Variants in ACAT2 observed in about 807,000 individuals in gnomAD.
ACAT2 encodes the protein acetyl-CoA acetyltransferase, cytosolic.
ACAT2 carries 26 observed loss-of-function variants against 37.1 expected under a neutral mutation model. That is an observed-to-expected ratio of 0.70 (90% CI 0.51 to 0.97). The LOEUF is 0.97. ACAT2 is among the 50% of genes least tolerant of loss of function. The pLI, the probability that ACAT2 is intolerant of heterozygous loss-of-function variation, is 0.00. For missense variants in ACAT2, 468 were observed against 489.0 expected, an observed-to-expected ratio of 0.96 and a Z score of 0.40; for synonymous variants, 156 against 163.6, an observed-to-expected ratio of 0.95 and a Z score of 0.35.
chr6:159,775,922 C>G (rs935497941), intron 5 of ACAT2: 1 of 430,650 alleles, frequency 2.3e-6, no homozygotes, highest in East Asian at 4.7e-5. Flanking sequence ...TCAGGAAGGC[C>G]TATGGATTTG....
chr6:159,773,724 A>T (rs1237748787), intron 4 of ACAT2, among the ~76,000 whole-genome samples: 1 of 152,236 alleles, frequency 6.6e-6, no homozygotes, highest in African/African-American at 2.4e-5. Context: ...CAAGTATTGA[A>T]AAATTTCAGC....
intron 4 of ACAT2, among the ~76,000 whole-genome samples, chr6:159,768,976 G>C (rs2114979346): frequency 6.6e-6 from 1 of 152,212 alleles, no homozygotes; most frequent in South Asian, 2.1e-4. Context: ...TACACAATTG[G>C]GTTATTGGTC....
rs759748933 is a variant in ACAT2, at chr6:159,767,008, G to A, written c.194G>A (p.Cys65Tyr). The A allele has an allele frequency of 1.2e-6, 2 of 1,613,980 alleles. No homozygotes were observed. The highest frequency in any genetic ancestry group is 1.3e-5 in the African/African-American group (1 of 75,036). ...TCCTCTGTGTTCCTCTTTCTAGGCT[G>A]TGGGCAGAATCCTGTTAGACAAGCC... ...VIFGHVLAAG[C>Y]GQNPVRQASV... Residue 65 changes from cysteine to tyrosine, a missense_variant, in exon 3 of 9, where the codon TGT becomes TAT. Physicochemically the swap from Cys to Tyr is radical, Grantham distance 194 (BLOSUM62 -2). Transcript: ENST00000367048.
intron 5 of ACAT2, chr6:159,775,647 A>G: frequency 4.1e-6 from 1 of 242,426 alleles, no homozygotes; most frequent in Admixed American, 5.3e-5. Context: ...ACCTCCTCAG[A>G]AGTGGACACC....
chr6:159,777,241 C>A, intron 6 of ACAT2, 61 bp from the exon 7 acceptor site: 1 of 1,547,770 alleles, frequency 6.5e-7, no homozygotes, highest in East Asian at 2.3e-5. Flanking sequence ...GGTAAAGAAG[C>A]CACAGATATG....
chr6:159,778,301 C>G, intron 8 of ACAT2, 21 bp downstream of exon 8: 3 of 1,513,964 alleles, frequency 2.0e-6, no homozygotes, highest in East Asian at 2.3e-5. Context: ...ACAAGTAACC[C>G]TGAGAGCTTA....
At chr6:159,762,531 G>A in intron 1 of ACAT2, 2 of 1,304,726 alleles carry the variant, frequency 1.5e-6, no homozygotes, top group Non-Finnish European at 2.0e-6. Flanking sequence ...CCCGGCTTTG[G>A]GCTGGGGTCG....
chr6:159,777,564 A>G (rs1398638623), intron 7 of ACAT2, 108 bp downstream of exon 7: 7 of 1,270,442 alleles, frequency 5.5e-6, no homozygotes, highest in Middle Eastern at 2.8e-4. Flanking sequence ...AGTAACCAAG[A>G]GCATTTATTT....
rs986190774 is a variant in ACAT2 at position 159,777,427 on chromosome 6, A to C, written c.883A>C (p.Ile295Leu). The C allele has an allele frequency of 6.2e-7, 1 of 1,613,972 alleles. No homozygotes were observed. The highest frequency in any genetic ancestry group is 8.5e-7 in the Non-Finnish European group (1 of 1,179,976). Residue 295 changes from isoleucine (I) to leucine (L), a missense_variant, in exon 7 of 9, where the codon ATA becomes CTA. Ile to Leu is a conservative substitution (Grantham distance 5, BLOSUM62 2). Transcript: ENST00000367048. ...QVGVEPSIMGIGPIPAIKQAV... is the reference protein window; with the variant it reads ...QVGVEPSIMGLGPIPAIKQAV... ...GGGTGTGGAGCCTTCCATTATGGGA[A>C]TAGGACCAATTCCAGCCATAAAGCA...
At chr6:159,769,312 C>T (rs143016041) in intron 4 of ACAT2, among the ~76,000 whole-genome samples, 3 of 152,286 alleles carry the variant, frequency 2.0e-5, no homozygotes, top group Non-Finnish European at 4.4e-5. Context: ...GACCACTTCT[C>T]GACTTACAGC....
chr6:159,765,686 C>G (rs554096656), intron 2 of ACAT2, among the ~76,000 whole-genome samples: 2 of 137,816 alleles, frequency 1.5e-5, no homozygotes, highest in South Asian at 4.8e-4. Flanking sequence ...CCCCCCTCCC[C>G]CGGCCTCCCA....
At chr6:159,762,337 C>T (rs965807849) in intron 1 of ACAT2, 195 bp downstream of exon 1, 2 of 1,237,376 alleles carry the variant, frequency 1.6e-6, no homozygotes, top group African/African-American at 3.1e-5. Context: ...ACCCTCTCCT[C>T]TCCCGATGTG....
intron 2 of ACAT2, among the ~76,000 whole-genome samples, chr6:159,765,288 G>A (rs975346687): frequency 6.6e-6 from 1 of 151,836 alleles, no homozygotes; most frequent in African/African-American, 2.4e-5. Context: ...GCTAATTTTT[G>A]TATTTTTAGT....
intron 4 of ACAT2, among the ~76,000 whole-genome samples, chr6:159,769,874 G>A (rs981978675): frequency 1.3e-5 from 2 of 152,200 alleles, no homozygotes; most frequent in African/African-American, 4.8e-5. Flanking sequence ...TTCCCCTTAA[G>A]TCTTTGATCA....
chr6:159,777,023 G>T (rs1016827174), intron 6 of ACAT2, among the ~76,000 whole-genome samples: 1 of 152,176 alleles, frequency 6.6e-6, no homozygotes, highest in Non-Finnish European at 1.5e-5. Flanking sequence ...CTGACCTCAG[G>T]TGATTCACCC....
intron 4 of ACAT2, among the ~76,000 whole-genome samples, chr6:159,770,292 C>A (rs1289205243): frequency 1.3e-5 from 2 of 152,124 alleles, no homozygotes; most frequent in African/African-American, 2.4e-5. Flanking sequence ...ATATAGCTTA[C>A]AACCAGGGTG....
rs1377464250 is a variant in ACAT2, at chr6:159,766,699, C to G, written c.191-306C>G. The stretch of plus-strand genomic sequence containing the variant: ...TACAGGCATGAGCCACCGCGCCCAA[C>G]TATTTAAGCCATATCAAAAGATGAG... On this transcript the variant is annotated intron_variant, in intron 2 of 8. Transcript: ENST00000367048. 2.6e-5 allele frequency among the ~76,000 whole-genome samples: 4 copies of G among 152,236 alleles called. No homozygotes were observed. In the East Asian group the frequency reaches 7.7e-4, roughly 29 times the overall value.
At chr6:159,763,468 C>G (rs1270530981) in intron 2 of ACAT2, among the ~76,000 whole-genome samples, 1 of 151,918 alleles carries the variant, frequency 6.6e-6, no homozygotes, top group Non-Finnish European at 1.5e-5. Flanking sequence ...CACTTGAGCC[C>G]AGGAGTTTGA....
chr6:159,763,302 C>G (rs933685579), intron 2 of ACAT2, among the ~76,000 whole-genome samples: 1 of 152,170 alleles, frequency 6.6e-6, no homozygotes, highest in African/African-American at 2.4e-5. Flanking sequence ...CCTGTAATCC[C>G]AGCACTTTGG....
Sources: gnomAD v4.1 joint callset for allele counts (sites outside exome capture counted in the v4.1 genomes callset) on GRCh38, gnomAD v4.1.1 for gene constraint, MANE v1.5 for transcripts, NCBI Gene and HGNC (gene_info 2026-07-23, HGNC 2026-07-21) for gene names.